Variants in ZNF554 observed in about 807,000 individuals in gnomAD.
The protein encoded by ZNF554 is zinc finger protein 554.
In ZNF554, 15 loss-of-function variants were observed where a neutral mutation model predicts 21.2. That is an observed-to-expected ratio of 0.71 (90% CI 0.47 to 1.09). The LOEUF (loss-of-function observed/expected upper bound fraction) is 1.09, where lower values mean the gene tolerates loss of function less well. Among genes scored for constraint, ZNF554 ranks in the 50% least tolerant of loss-of-function variants. ZNF554 has a pLI of 0.00. For missense variants in ZNF554, 691 were observed against 662.7 expected, an observed-to-expected ratio of 1.04 and a Z score of -0.47; for synonymous variants, 258 against 251.4, an observed-to-expected ratio of 1.03 and a Z score of -0.25.
chr19:2,834,934 A>G lies in ZNF554; in HGVS notation c.*82A>G. On this transcript the variant is annotated 3_prime_UTR_variant, in exon 5 of 5. Coordinates refer to ENST00000317243, the MANE Select transcript of ZNF554 (RefSeq NM_001102651.2). ...ATCTTTTGCCCTGTTGTGATGGATAATTTGAAAAGAAGTGGGTTTATGTCA... is the reference window on the plus strand; with the variant it reads ...ATCTTTTGCCCTGTTGTGATGGATAGTTTGAAAAGAAGTGGGTTTATGTCA... 1 of 1,299,994 alleles carries G rather than the reference A, an allele frequency of 7.7e-7. No individual in the cohort carries two copies. Among genetic ancestry groups the G allele is most frequent in the Non-Finnish European group, 1.1e-6 (1 of 949,498 alleles). 80.5% of individuals were successfully genotyped at this position (1,299,994 alleles called of 1,614,324 possible). A position where few individuals can be genotyped will look rare whatever the true frequency, so the allele number is the denominator to read the frequency against.
intron 3 of ZNF554, chr19:2,830,508 G>A (rs1014821923): frequency 2.0e-5 from 3 of 152,206 alleles, no homozygotes; most frequent in Admixed American, 2.0e-4. Flanking sequence ...TCAGTGCTTT[G>A]GGTCAATACT....
In ZNF554 at chr19:2,827,240, G is replaced by A. The variant is rs115749474; in HGVS notation, c.127-377G>A. Among the ~76,000 whole-genome samples, 1,279 of 152,280 alleles carry A rather than the reference G, an allele frequency of 8.4e-3. 20 individuals are homozygous for A. The highest frequency in any genetic ancestry group is 0.029 in the African/African-American group (1,223 of 41,538). ...TCCTGGATAGGTCAGCAATATACCT[G>A]CAGTCCCATAACTTGCAAGTGGCAT... On this transcript the variant is annotated intron_variant, in intron 2 of 4. Coordinates refer to ENST00000317243, the MANE Select transcript of ZNF554 (RefSeq NM_001102651.2).
chr19:2,820,684 C>CTTTTTTTTTTTTTTGTTTTTTTTTTTTT (rs2087250668), intron 1 of ZNF554, among the ~76,000 whole-genome samples: 1 of 103,192 alleles, frequency 9.7e-6, no homozygotes, highest in Non-Finnish European at 2.0e-5. Context: ...AGCAAGGGTC[C>CTTTTTTTTTTTTTTGTTTTTTTTTTTTT]TTTTTTTTTT....
chr19:2,826,003 C>T (rs936172642), intron 2 of ZNF554, among the ~76,000 whole-genome samples: 20 of 152,020 alleles, frequency 1.3e-4, no homozygotes, highest in African/African-American at 4.1e-4. Flanking sequence ...CAGGTTCAAG[C>T]AATGCTCCTG....
chr19:2,826,942 G>A (rs2087343702), intron 2 of ZNF554, among the ~76,000 whole-genome samples: 2 of 152,198 alleles, frequency 1.3e-5, no homozygotes, highest in African/African-American at 4.8e-5. Context: ...GATTACAGGT[G>A]TGAGCCACTG....
chr19:2,834,183 A>G lies in ZNF554; in HGVS notation c.948A>G (p.Lys316=). The change falls in exon 5 of 5, where the codon AAA becomes AAG. Residue 316 remains lysine (K), a synonymous_variant. Coordinates refer to ENST00000317243, the MANE Select transcript of ZNF554 (RefSeq NM_001102651.2). ...GTATGGCCCTGACTATCCACAACAA[A>G]ATCAACACGGCAGAGAAACCCTTTG... is the stretch of plus-strand genomic sequence containing the variant. ...NHGMALTIHN[K]INTAEKPFEC... 3.1e-6 allele frequency: 5 copies of G among 1,614,054 alleles called. No individual in the cohort carries two copies. Among genetic ancestry groups the G allele is most frequent in the Non-Finnish European group, 4.2e-6 (5 of 1,180,036 alleles).
chr19:2,827,833 C>T, intron 3 of ZNF554, 90 bp downstream of exon 3: 1 of 1,501,822 alleles, frequency 6.7e-7, no homozygotes, highest in South Asian at 1.2e-5. Flanking sequence ...AAGAAATACC[C>T]AAGACTGGGT....
chr19:2,833,548 C>T (rs543299349), intron 4 of ZNF554, 133 bp from the exon 5 acceptor site: 24 of 685,288 alleles, frequency 3.5e-5, no homozygotes, highest in Admixed American at 1.3e-4. Context: ...CCATCCTTCC[C>T]GCATGTTCAG....
chr19:2,830,452 G>A (rs2087399761), intron 3 of ZNF554: 2 of 152,212 alleles, frequency 1.3e-5, no homozygotes, highest in African/African-American at 4.8e-5. Flanking sequence ...TGTGAATCCT[G>A]TTGCTGTCAG....
At chr19:2,824,902 C>G (rs1254569216) in intron 2 of ZNF554, among the ~76,000 whole-genome samples, 1 of 151,782 alleles carries the variant, frequency 6.6e-6, no homozygotes, top group African/African-American at 2.4e-5. Context: ...CTTTCTGTCT[C>G]TCTGAATCTG....
chr19:2,833,553 G>A, intron 4 of ZNF554, 128 bp from the exon 5 acceptor site: 2 of 735,304 alleles, frequency 2.7e-6, no homozygotes, highest in Non-Finnish European at 4.2e-6. Flanking sequence ...CTTCCCGCAT[G>A]TTCAGAGTTG....
In ZNF554 at chr19:2,836,693, A is replaced by G. The variant is rs144671774; in HGVS notation, c.*1841A>G. Among the ~76,000 whole-genome samples the G allele has an allele frequency of 6.0e-4, 92 of 152,338 alleles. No individual in the cohort carries two copies. The highest frequency in any genetic ancestry group is 2.1e-3 in the African/African-American group (87 of 41,576). On this transcript the variant is annotated 3_prime_UTR_variant, in exon 5 of 5. Coordinates refer to ENST00000317243, the MANE Select transcript of ZNF554 (RefSeq NM_001102651.2). The stretch of plus-strand genomic sequence containing the variant: ...CATTTTGACAATGAATACAAATCAA[A>G]TAGCACCCAAAATTGTGAAGGATAC...
rs1371121974 is a variant in ZNF554, at chr19:2,821,512, C to T, written c.53+1388C>T. 6.6e-6 allele frequency among the ~76,000 whole-genome samples: 1 copy of T among 151,878 alleles called. No homozygotes were observed. Among genetic ancestry groups the T allele is most frequent in the African/African-American group, 2.4e-5 (1 of 41,148 alleles). On this transcript the variant is annotated intron_variant, in intron 1 of 4. Coordinates refer to ENST00000317243, the MANE Select transcript of ZNF554 (RefSeq NM_001102651.2). This position sits in a 1 kb window ranked among gnomAD's most constrained non-coding sequence, Gnocchi z 8.2. ...ATGAAGATGTGGTGGGGCCGTGGTG[C>T]TTCTGAAGGCTCTGGCGGGAGGATC...
chr19:2,821,556 T>C lies in ZNF554; in HGVS notation c.53+1432T>C, dbSNP rs533409610. Among the ~76,000 whole-genome samples, 1 of 151,986 alleles carries C rather than the reference T, an allele frequency of 6.6e-6. No homozygotes were observed. The highest frequency in any genetic ancestry group is 2.1e-4 in the South Asian group (1 of 4,830). ...GAGGATCTTCTCTGTCTCTTCCAGC[T>C]TCTGGGGGTGGCCTGCCATAGTTGG... On this transcript the variant is annotated intron_variant, in intron 1 of 4. Coordinates refer to ENST00000317243, the MANE Select transcript of ZNF554 (RefSeq NM_001102651.2). This position sits in a 1 kb window ranked among gnomAD's most constrained non-coding sequence, Gnocchi z 8.2.
At position 2,834,728 on chromosome 19, in the gene ZNF554, G is replaced by C. The variant is rs1308820668; in HGVS notation, c.1493G>C (p.Gly498Ala). ...GEKPYRCQEC[G>A]KAFSQSSSLV... The stretch of plus-strand genomic sequence containing the variant: ...AAACCCTACAGGTGTCAGGAATGTG[G>C]GAAAGCCTTCAGCCAGAGCTCATCC... Residue 498 changes from glycine (G) to alanine (A), a missense_variant, in exon 5 of 5, where the codon GGG (glycine) becomes GCG (alanine). Gly to Ala is a moderately conservative substitution (Grantham distance 60). Transcript: ENST00000317243. 3 of 1,614,070 alleles carry C rather than the reference G, an allele frequency of 1.9e-6. No homozygotes were observed. Among genetic ancestry groups the C allele is most frequent in the Non-Finnish European group, 2.5e-6 (3 of 1,179,984 alleles).
intron 3 of ZNF554, chr19:2,830,526 G>C (rs1315640234): frequency 6.6e-6 from 1 of 152,210 alleles, no homozygotes; most frequent in East Asian, 1.9e-4. Flanking sequence ...ACTAGGAGTA[G>C]AATTGCTGGA....
intron 2 of ZNF554, among the ~76,000 whole-genome samples, chr19:2,825,031 G>A (rs1167299271): frequency 4.6e-5 from 2 of 43,700 alleles, no homozygotes; most frequent in African/African-American, 1.0e-4. Context: ...TTTTTTTTTT[G>A]AGACAAGGTC....
Position 2,819,880 on chromosome 19 carries a change from A to G in ZNF554, c.-192A>G. 3.0e-6 allele frequency: 1 copy of G among 328,094 alleles called. No individual in the cohort carries two copies. Among genetic ancestry groups the G allele is most frequent in the Non-Finnish European group, 5.4e-6 (1 of 185,404 alleles). 20.3% of individuals were successfully genotyped at this position (328,094 alleles called of 1,614,324 possible). A position where few individuals can be genotyped will look rare whatever the true frequency, so the allele number is the denominator to read the frequency against. On this transcript the variant is annotated 5_prime_UTR_variant, in exon 1 of 5. Coordinates refer to ENST00000317243, the MANE Select transcript of ZNF554 (RefSeq NM_001102651.2). Reference sequence around the variant, plus strand: ...GGTGCGCAGGCGCAGTGCCGAGTTTACCTCTGCGCGCGTCGGGGTTGGTGG... The same window carrying G: ...GGTGCGCAGGCGCAGTGCCGAGTTTGCCTCTGCGCGCGTCGGGGTTGGTGG...
chr19:2,827,321 T>A (rs1222866467), intron 2 of ZNF554, among the ~76,000 whole-genome samples: 1 of 152,180 alleles, frequency 6.6e-6, no homozygotes, highest in African/African-American at 2.4e-5. Flanking sequence ...CACATGGGAA[T>A]GTCAGGCTCA....
Sources: gnomAD v4.1 joint callset for allele counts (sites outside exome capture counted in the v4.1 genomes callset) on GRCh38, gnomAD v4.1.1 for gene constraint, Gnocchi (gnomAD v3.1) non-coding constraint, MANE v1.5 for transcripts, NCBI Gene and HGNC (gene_info 2026-07-23, HGNC 2026-07-21) for gene names.